The following XKR6 variants were observed in gnomAD, a reference collection of about 807,000 sequenced individuals.
The protein encoded by XKR6 is XK-related protein 6.
A neutral mutation model predicts 56.7 loss-of-function variants in XKR6; 22 were observed. The ratio of observed to expected loss-of-function variants is 0.39; its 90% CI spans 0.28 to 0.55. The LOEUF (loss-of-function observed/expected upper bound fraction) is 0.55, where lower values mean the gene tolerates loss of function less well. XKR6 is among the 20% of genes least tolerant of loss of function. The probability of loss-of-function intolerance (pLI) is 0.66; values close to 1 mark genes in which losing one functional copy is unlikely to be tolerated. For synonymous variants in XKR6, 524 were observed against 387.8 expected (o/e 1.35, Z -4.13); for missense variants, 852 against 889.0 (o/e 0.96, Z 0.53).
chr8:11,015,819 G>A (rs531506673), intron 1 of XKR6, among the ~76,000 whole-genome samples: 1 of 152,314 alleles, frequency 6.6e-6, no homozygotes, highest in South Asian at 2.1e-4. Context: ...TGGGCTCGGC[G>A]TATCTAGAGC....
At chr8:10,985,477 T>C (rs1378174964) in intron 1 of XKR6, among the ~76,000 whole-genome samples, 1 of 151,512 alleles carries the variant, frequency 6.6e-6, no homozygotes, top group African/African-American at 2.4e-5. Flanking sequence ...TCTAGGTGTG[T>C]CTAATTCTAA....
At chr8:10,911,438 G>C (rs1800361502) in intron 2 of XKR6, among the ~76,000 whole-genome samples, 1 of 148,038 alleles carries the variant, frequency 6.8e-6, no homozygotes, top group African/African-American at 2.5e-5. Flanking sequence ...TATATATAGA[G>C]GGTAAGTATA....
intron 1 of XKR6, among the ~76,000 whole-genome samples, chr8:11,111,290 G>A (rs1007726702): frequency 2.6e-5 from 4 of 152,098 alleles, no homozygotes; most frequent in Non-Finnish European, 4.4e-5. Context: ...ATAGAAGGAG[G>A]TGGCGGCTGG....
At chr8:10,953,901 A>G (rs1043743423) in intron 1 of XKR6, among the ~76,000 whole-genome samples, 6 of 152,204 alleles carry the variant, frequency 3.9e-5, no homozygotes, top group African/African-American at 1.4e-4. Flanking sequence ...ATTTCATACA[A>G]ATGGAATCAT....
At chr8:11,102,513 G>C (rs1798521345) in intron 1 of XKR6, among the ~76,000 whole-genome samples, 1 of 152,192 alleles carries the variant, frequency 6.6e-6, no homozygotes, top group Non-Finnish European at 1.5e-5. Flanking sequence ...GGTGGGGACA[G>C]ACAGGAAGCA....
chr8:10,922,145 A>C (rs1396755375), intron 2 of XKR6, among the ~76,000 whole-genome samples: 1 of 152,210 alleles, frequency 6.6e-6, no homozygotes, highest in East Asian at 1.9e-4. Context: ...GGAGAAAATA[A>C]ATCTCTGCTC....
chr8:11,082,019 C>T (rs887748479), intron 1 of XKR6, among the ~76,000 whole-genome samples: 1 of 152,178 alleles, frequency 6.6e-6, no homozygotes, highest in African/African-American at 2.4e-5. Context: ...GAAGTGCATG[C>T]CCAAGGGTGC....
At chr8:10,939,485 C>T (rs1201175749) in intron 1 of XKR6, among the ~76,000 whole-genome samples, 4 of 152,246 alleles carry the variant, frequency 2.6e-5, no homozygotes, top group African/African-American at 9.6e-5. Context: ...GGGGACAAGC[C>T]AGCTCCTGAG....
At chr8:11,092,062 A>G (rs1407987653) in intron 1 of XKR6, among the ~76,000 whole-genome samples, 1 of 152,234 alleles carries the variant, frequency 6.6e-6, no homozygotes, top group African/African-American at 2.4e-5. Context: ...TCCATTCTGC[A>G]GTTAAGCATA....
intron 1 of XKR6, among the ~76,000 whole-genome samples, chr8:11,050,790 C>T (rs1300638291): frequency 6.6e-6 from 1 of 152,008 alleles, no homozygotes; most frequent in African/African-American, 2.4e-5. Flanking sequence ...AGACGGATGA[C>T]CATGTCCCCA....
At chr8:10,965,267 C>T (rs1350882362) in intron 1 of XKR6, among the ~76,000 whole-genome samples, 5 of 152,230 alleles carry the variant, frequency 3.3e-5, no homozygotes, top group Non-Finnish European at 2.9e-5. Context: ...CACATCAGCC[C>T]TACGGGCATG....
intron 1 of XKR6, among the ~76,000 whole-genome samples, chr8:11,064,522 C>T (rs1799928582): frequency 1.3e-5 from 2 of 152,194 alleles, no homozygotes; most frequent in Admixed American, 6.5e-5. Flanking sequence ...CAAAAGCATA[C>T]CGCAAGAATT....
intron 1 of XKR6, among the ~76,000 whole-genome samples, chr8:11,031,894 C>G (rs529371152): frequency 6.4e-4 from 97 of 152,300 alleles, no homozygotes; most frequent in Non-Finnish European, 6.6e-4. Context: ...CAGCCCAGTC[C>G]CCAGCCTATC....
At chr8:11,129,349 C>T (rs2001329) in intron 1 of XKR6, among the ~76,000 whole-genome samples, 82,574 of 151,854 alleles carry the variant, frequency 0.54, 24,901 homozygotes, top group African/African-American at 0.78. Context: ...AGTTGTATCA[C>T]TGCAGGAGTC....
chr8:11,060,319 C>G (rs567510212), intron 1 of XKR6, among the ~76,000 whole-genome samples: 2 of 152,324 alleles, frequency 1.3e-5, no homozygotes, highest in African/African-American at 4.8e-5. Context: ...CTCCCTGCCT[C>G]CATGCCTCCA....
At chr8:11,195,652 C>CTTT (rs767554251) in intron 1 of XKR6, among the ~76,000 whole-genome samples, 1 of 142,766 alleles carries the variant, frequency 7.0e-6, no homozygotes, top group African/African-American at 2.6e-5. Context: ...CACTGAGTTT[C>CTTT]TTTTTTTTTT....
intron 1 of XKR6, among the ~76,000 whole-genome samples, chr8:11,184,109 T>C (rs1803140233): frequency 6.6e-6 from 1 of 152,204 alleles, no homozygotes; most frequent in Non-Finnish European, 1.5e-5. Flanking sequence ...ATAGTGTATA[T>C]TTGACCTCTA....
At chr8:10,913,458 G>A (rs764588662) in intron 2 of XKR6, among the ~76,000 whole-genome samples, 5 of 152,156 alleles carry the variant, frequency 3.3e-5, no homozygotes, top group Non-Finnish European at 5.9e-5. Context: ...AGCCTGCCAG[G>A]TGAAAGCACT....
intron 1 of XKR6, among the ~76,000 whole-genome samples, chr8:11,122,236 G>A (rs1280333015): frequency 6.6e-6 from 1 of 152,346 alleles, no homozygotes; most frequent in East Asian, 1.9e-4. Context: ...CAGAAGACAT[G>A]AAACCAGTCA....
Sources: gnomAD v4.1 joint callset for allele counts (sites outside exome capture counted in the v4.1 genomes callset) on GRCh38, gnomAD v4.1.1 for gene constraint, MANE v1.5 for transcripts, NCBI Gene and HGNC (gene_info 2026-07-23, HGNC 2026-07-21) for gene names.